CLCN5: variants seen among roughly 807,000 people sequenced by gnomAD.
CLCN5 encodes the protein H(+)/Cl(-) exchange transporter 5.
A neutral mutation model predicts 54.0 loss-of-function variants in CLCN5; 17 were observed. That is an observed-to-expected ratio of 0.31 (90% CI 0.22 to 0.47). The LOEUF (loss-of-function observed/expected upper bound fraction) is 0.47. Among genes scored for constraint, CLCN5 ranks in the 20% least tolerant of loss-of-function variants. The probability of loss-of-function intolerance (pLI) is 1.00; values close to 1 mark genes in which losing one functional copy is unlikely to be tolerated. For synonymous variants in CLCN5, 222 were observed against 233.0 expected, an observed-to-expected ratio of 0.95 and a Z score of 0.43; for missense variants, 448 against 646.7, an observed-to-expected ratio of 0.69 and a Z score of 3.33.
rs879957394 is a variant in CLCN5 at position 49,966,289 on chromosome X, T to C, written c.16+40975T>C. ...AGATATCTACTTCTTCAGTATACTT[T>C]GGTAATTTGTGTGTTTCACATAATT... On this transcript the variant is annotated intron_variant, in intron 3 of 14. Transcript: ENST00000376091. 2.7e-5 allele frequency among the ~76,000 whole-genome samples: 3 copies of C among 111,659 alleles called. No individual in the cohort carries two copies. In the Admixed American group the frequency reaches 2.9e-4, roughly 11 times the overall value.
chrX:49,970,227 G>T (rs1178328307), intron 3 of CLCN5, among the ~76,000 whole-genome samples: 4 of 111,068 alleles, frequency 3.6e-5, no homozygotes, highest in Non-Finnish European at 3.8e-5. Flanking sequence ...CTATTAATTG[G>T]TTTTTTACAC....
intron 3 of CLCN5, among the ~76,000 whole-genome samples, chrX:50,035,057 A>G (rs1457639520): frequency 1.8e-5 from 2 of 111,086 alleles, no homozygotes; most frequent in Admixed American, 1.9e-4. Flanking sequence ...CTAGCCAAGC[A>G]CGAATGCCAC....
intron 4 of CLCN5, among the ~76,000 whole-genome samples, chrX:50,054,128 G>A (rs1298730074): frequency 9.0e-6 from 1 of 111,095 alleles, no homozygotes; most frequent in East Asian, 2.8e-4. Flanking sequence ...AAATGTCACT[G>A]TTTGATGGAA....
rs187979728 is a variant in CLCN5, at chrX:49,989,980, G to A, written c.17-52336G>A. ...TCCTTGATCAATGAATCATTTCTCCGTTATGTACTTAGTTTCAGGGTCGGT... is the reference window on the plus strand; with the variant it reads ...TCCTTGATCAATGAATCATTTCTCCATTATGTACTTAGTTTCAGGGTCGGT... On this transcript the variant is annotated intron_variant, in intron 3 of 14. Transcript: ENST00000376091. Among the ~76,000 whole-genome samples the A allele has an allele frequency of 1.5e-4, 17 of 111,460 alleles. 1 individual carries two copies. In the East Asian group the frequency reaches 3.7e-3, roughly 24 times the overall value.
intron 3 of CLCN5, among the ~76,000 whole-genome samples, chrX:49,953,969 C>T (rs922898799): frequency 6.3e-5 from 7 of 111,249 alleles, no homozygotes; most frequent in African/African-American, 2.3e-4. Flanking sequence ...TCTTCATATG[C>T]TTATATTATT....
intron 8 of CLCN5, among the ~76,000 whole-genome samples, 182 bp from the exon 9 acceptor site, chrX:50,081,459 A>G (rs1557193127): frequency 9.0e-6 from 1 of 111,604 alleles, no homozygotes; most frequent in Non-Finnish European, 1.9e-5. Context: ...ATGAAAGCTT[A>G]AAGAACAGTT....
intron 3 of CLCN5, among the ~76,000 whole-genome samples, chrX:50,039,016 C>T (rs1932108873): frequency 8.9e-6 from 1 of 112,021 alleles, no homozygotes; most frequent in Admixed American, 9.5e-5. Flanking sequence ...CTGTGGCTTA[C>T]GCTTGTAATC....
intron 3 of CLCN5, 83 bp downstream of exon 3, chrX:49,925,397 C>T: frequency 2.2e-6 from 2 of 918,881 alleles, no homozygotes; most frequent in Non-Finnish European, 1.6e-6. Context: ...CCCACCCAGC[C>T]AATGGCAGGC....
At chrX:50,054,721 A>G (rs1208698497) in intron 4 of CLCN5, 3 of 111,968 alleles carry the variant, frequency 2.7e-5, no homozygotes, top group Non-Finnish European at 5.6e-5. Context: ...CAGTTCTCCA[A>G]TGAGTCCAAG....
chrX:50,063,763 A>G (rs1358561564), intron 4 of CLCN5, among the ~76,000 whole-genome samples: 98 of 110,694 alleles, frequency 8.9e-4, no homozygotes, highest in Non-Finnish European at 1.6e-3. Context: ...ATCCTCAATA[A>G]AATACTGGCA....
intron 3 of CLCN5, among the ~76,000 whole-genome samples, chrX:49,934,018 G>A (rs1370294107): frequency 3.6e-5 from 4 of 111,176 alleles, no homozygotes; most frequent in Non-Finnish European, 7.5e-5. Context: ...CTGTCACATC[G>A]TACCCAAAGC....
chrX:49,922,764 G>A lies in CLCN5; in HGVS notation c.-233G>A, dbSNP rs1557167361. The A allele has an allele frequency of 8.8e-6, 1 of 113,219 alleles. No homozygotes were observed. Among genetic ancestry groups the A allele is most frequent in the Non-Finnish European group, 1.9e-5 (1 of 53,365 alleles). 9.3% of individuals were successfully genotyped at this position (113,219 alleles called of 1,213,427 possible). A position where few individuals can be genotyped will look rare whatever the true frequency, so the allele number is the denominator to read the frequency against. On this transcript the variant is annotated 5_prime_UTR_variant, in exon 1 of 15. Transcript: ENST00000376091. The stretch of plus-strand genomic sequence containing the variant: ...GCGCTGCCCACCGGCGGCGGACACG[G>A]GCTCCGCCGCTCCGGACCTCGGCGA...
intron 3 of CLCN5, among the ~76,000 whole-genome samples, chrX:49,986,722 A>G (rs1259439723): frequency 3.6e-5 from 4 of 111,998 alleles, no homozygotes; most frequent in African/African-American, 1.3e-4. Flanking sequence ...AATTCTTAGG[A>G]ATCTACCTTC....
chrX:49,948,546 G>C (rs1438722622), intron 3 of CLCN5, among the ~76,000 whole-genome samples: 1 of 111,555 alleles, frequency 9.0e-6, no homozygotes, highest in Non-Finnish European at 1.9e-5. Context: ...ATGTTTGGTT[G>C]ATTCTGTTAT....
intron 3 of CLCN5, among the ~76,000 whole-genome samples, chrX:50,016,616 CT>C (rs1930801613): frequency 9.2e-6 from 1 of 108,680 alleles, no homozygotes; most frequent in Non-Finnish European, 1.9e-5. Context: ...TTAGAGTTCC[CT>C]CTTTGTGTTA....
In CLCN5 at chrX:49,991,418, TG is replaced by T. The variant is rs1430212539; in HGVS notation, c.17-50897del. Among the ~76,000 whole-genome samples the T allele has an allele frequency of 2.7e-5, 3 of 112,072 alleles. No homozygotes were observed. The Admixed American group carries it at 2.8e-4, about 11-fold the overall frequency. On this transcript the variant is annotated intron_variant, in intron 3 of 14. Coordinates refer to ENST00000376091, the MANE Select transcript of CLCN5 (RefSeq NM_001127898.4). ...AGGGGATTATTATTTTTTCTTGATT[TG>T]TTCGAGTTCTGTGCAGATTTTGTAT...
chrX:50,078,820 G>T (rs1010633644), intron 7 of CLCN5, among the ~76,000 whole-genome samples: 5 of 111,488 alleles, frequency 4.5e-5, no homozygotes, highest in Non-Finnish European at 1.9e-5. Flanking sequence ...CTAGGTTTTG[G>T]TTTTTGTTTG....
chrX:49,936,356 G>C (rs1925969671), intron 3 of CLCN5, among the ~76,000 whole-genome samples: 2 of 111,863 alleles, frequency 1.8e-5, no homozygotes, highest in Non-Finnish European at 1.9e-5. Context: ...TGGTGTTAGA[G>C]ATAATTATGG....
At chrX:50,012,794 A>G (rs1407483617) in intron 3 of CLCN5, among the ~76,000 whole-genome samples, 1 of 111,914 alleles carries the variant, frequency 8.9e-6, no homozygotes, top group Non-Finnish European at 1.9e-5. Context: ...ACCATAAACC[A>G]TGGAAATCTG....
Sources: gnomAD v4.1 joint callset for allele counts (sites outside exome capture counted in the v4.1 genomes callset) on GRCh38, gnomAD v4.1.1 for gene constraint, MANE v1.5 for transcripts, NCBI Gene and HGNC (gene_info 2026-07-23, HGNC 2026-07-21) for gene names.